The following ATXN1 variants were observed in gnomAD, a reference collection of about 807,000 sequenced individuals.
ATXN1 encodes ataxin-1.
In ATXN1, 8 loss-of-function variants were observed where a neutral mutation model predicts 56.4. The ratio of observed to expected loss-of-function variants is 0.14; its 90% confidence interval spans 0.08 to 0.26. The LOEUF (loss-of-function observed/expected upper bound fraction) is 0.26. ATXN1 is among the 10% of genes least tolerant of loss of function. The pLI is 1.00. For synonymous variants in ATXN1, 514 were observed against 494.6 expected, an observed-to-expected ratio of 1.04 and a Z score of -0.52; for missense variants, 987 against 1,106.5, an observed-to-expected ratio of 0.89 and a Z score of 1.53.
chr6:16,390,884 G>A (rs1024853434), intron 6 of ATXN1, among the ~76,000 whole-genome samples: 3 of 152,092 alleles, frequency 2.0e-5, no homozygotes, highest in African/African-American at 7.2e-5. Flanking sequence ...GTTATGGCCA[G>A]GCGTGGTGGC....
chr6:16,754,008 G>T (rs1760806595), intron 1 of ATXN1: 1 of 152,214 alleles, frequency 6.6e-6, no homozygotes, highest in South Asian at 2.1e-4. Context: ...GTGAATGGAT[G>T]AATGAAAGAA....
chr6:16,306,674 C>T lies in ATXN1; in HGVS notation c.2103G>A (p.Val701=). 2 of 1,614,204 alleles carry T rather than the reference C, an allele frequency of 1.2e-6. No individual in the cohort carries two copies. The highest frequency in any genetic ancestry group is 1.7e-6 in the Non-Finnish European group (2 of 1,180,042). Residue 701 remains valine (V), a synonymous_variant, in exon 8 of 8, where the codon GTG becomes GTA. Coordinates refer to ENST00000436367, the MANE Select transcript of ATXN1 (RefSeq NM_001128164.2). This position sits in a 1 kb window ranked among gnomAD's most constrained non-coding sequence, Gnocchi z 5.2. ...GCTTCAGCAGGACGCTGGCGGGATCCACGGGCTGGCCCTTTTTAACAGAGC... is the reference window on the plus strand; with the variant it reads ...GCTTCAGCAGGACGCTGGCGGGATCTACGGGCTGGCCCTTTTTAACAGAGC... The part of the protein sequence containing the change: ...KNGSVKKGQP[V]DPASVLLKHS...
At position 16,310,004 on chromosome 6, in the gene ATXN1, G is replaced by T. The variant is rs187800092; in HGVS notation, c.1918-3145C>A. On this transcript the variant is annotated intron_variant, in intron 7 of 7. Coordinates refer to ENST00000436367, the MANE Select transcript of ATXN1 (RefSeq NM_001128164.2). Reference sequence around the variant, plus strand: ...AGCCAAGATCGTTGCAGTGAGCCAAGATCGTTGCAGTGAGCCAAGATCATT... The same window carrying T: ...AGCCAAGATCGTTGCAGTGAGCCAATATCGTTGCAGTGAGCCAAGATCATT... Among the ~76,000 whole-genome samples, 544 of 151,468 alleles carry T rather than the reference G, an allele frequency of 3.6e-3. 5 individuals are homozygous for T. The highest frequency in any genetic ancestry group is 0.012 in the African/African-American group (501 of 41,276).
intron 6 of ATXN1, among the ~76,000 whole-genome samples, chr6:16,332,308 G>T (rs997308086): frequency 1.3e-5 from 2 of 152,132 alleles, no homozygotes; most frequent in Non-Finnish European, 2.9e-5. Context: ...CCCCAGGATG[G>T]CACCACATTC....
intron 6 of ATXN1, among the ~76,000 whole-genome samples, chr6:16,335,683 TA>T (rs1466615659): frequency 6.6e-6 from 1 of 152,212 alleles, no homozygotes; most frequent in East Asian, 1.9e-4. Flanking sequence ...TTTGCAGATG[TA>T]ATTATGGATT....
intron 1 of ATXN1, among the ~76,000 whole-genome samples, chr6:16,759,530 G>GTTTTTTTTTTTTTTTTTT (rs1046854905): frequency 2.2e-5 from 1 of 45,960 alleles, no homozygotes. Context: ...TCTTCCGACT[G>GTTTTTTTTTTTTTTTTTT]TTTTTTTTTT....
chr6:16,386,823 C>T (rs1201055746), intron 6 of ATXN1, among the ~76,000 whole-genome samples: 1 of 152,166 alleles, frequency 6.6e-6, no homozygotes, highest in Non-Finnish European at 1.5e-5. Context: ...TCCTTCAAAT[C>T]ACTTTTTAAA....
intron 2 of ATXN1, among the ~76,000 whole-genome samples, chr6:16,659,765 T>C (rs921911978): frequency 2.0e-5 from 3 of 152,228 alleles, no homozygotes; most frequent in Non-Finnish European, 4.4e-5. Context: ...AGTACTCTCT[T>C]TCTGTTTTGT....
At chr6:16,582,515 G>T (rs1207386181) in intron 4 of ATXN1, among the ~76,000 whole-genome samples, 2 of 152,108 alleles carry the variant, frequency 1.3e-5, no homozygotes, top group African/African-American at 4.8e-5. Flanking sequence ...AAAATCCTAA[G>T]ACACCCCAAA....
At chr6:16,655,824 T>TTATGTGTTTGTTTCTGAAACTTGCAG (rs1386927271) in intron 3 of ATXN1, among the ~76,000 whole-genome samples, 1 of 151,948 alleles carries the variant, frequency 6.6e-6, no homozygotes, top group Non-Finnish European at 1.5e-5. Flanking sequence ...GTGCAGTGGT[T>TTATGTGTTTGTTTCTGAAACTTGCAG]CACATCTGTA....
chr6:16,661,733 T>C (rs941286490), intron 2 of ATXN1, among the ~76,000 whole-genome samples: 2 of 152,228 alleles, frequency 1.3e-5, no homozygotes, highest in African/African-American at 4.8e-5. Flanking sequence ...TGGGGGAGGC[T>C]GACTGCCAGG....
chr6:16,555,532 G>T (rs191210764), intron 4 of ATXN1, among the ~76,000 whole-genome samples: 7 of 152,198 alleles, frequency 4.6e-5, no homozygotes, highest in Admixed American at 4.6e-4. Context: ...CCCACCCAGA[G>T]CCCAGTGGTT....
intron 6 of ATXN1, among the ~76,000 whole-genome samples, chr6:16,452,242 C>T (rs1039453104): frequency 3.3e-5 from 5 of 152,024 alleles, no homozygotes; most frequent in African/African-American, 7.3e-5. Flanking sequence ...ATGTTTTCTC[C>T]GAGTTCAGGG....
At chr6:16,345,238 G>T (rs1030618872) in intron 6 of ATXN1, among the ~76,000 whole-genome samples, 1 of 152,144 alleles carries the variant, frequency 6.6e-6, no homozygotes, top group African/African-American at 2.4e-5. Flanking sequence ...ACTTTCTCAC[G>T]TGAGATTATT....
intron 6 of ATXN1, among the ~76,000 whole-genome samples, chr6:16,421,042 C>A (rs150829314): frequency 6.6e-6 from 1 of 152,320 alleles, no homozygotes; most frequent in East Asian, 1.9e-4. Flanking sequence ...TACTGGCACT[C>A]GCCTTTGTGA....
intron 2 of ATXN1, among the ~76,000 whole-genome samples, chr6:16,744,410 A>T (rs1341924861): frequency 6.6e-6 from 1 of 152,096 alleles, no homozygotes; most frequent in African/African-American, 2.4e-5. Context: ...AGAGACTTGG[A>T]TAATGGTTAG....
chr6:16,401,586 C>A (rs765381860), intron 6 of ATXN1, among the ~76,000 whole-genome samples: 1 of 152,100 alleles, frequency 6.6e-6, no homozygotes, highest in Non-Finnish European at 1.5e-5. Flanking sequence ...TAGACAGCAA[C>A]AAAAACAACT....
At chr6:16,693,970 G>T (rs1440803133) in intron 2 of ATXN1, among the ~76,000 whole-genome samples, 3 of 152,154 alleles carry the variant, frequency 2.0e-5, no homozygotes, top group Admixed American at 6.5e-5. Context: ...ACTTGGCCTT[G>T]CCTAATCTTC....
intron 6 of ATXN1, among the ~76,000 whole-genome samples, chr6:16,384,727 T>C (rs1157320340): frequency 6.6e-6 from 1 of 152,256 alleles, no homozygotes; most frequent in African/African-American, 2.4e-5. Context: ...CCCTTCCTCC[T>C]GCTCCAGCCA....
Sources: gnomAD v4.1 joint callset for allele counts (sites outside exome capture counted in the v4.1 genomes callset) on GRCh38, gnomAD v4.1.1 for gene constraint, Gnocchi (gnomAD v3.1) non-coding constraint, MANE v1.5 for transcripts, NCBI Gene and HGNC (gene_info 2026-07-23, HGNC 2026-07-21) for gene names.